SCUBE1: variants seen among roughly 807,000 people sequenced by gnomAD.
SCUBE1 encodes the protein signal peptide, CUB domain and EGF like domain containing 1.
Under a neutral mutation model 124.4 loss-of-function variants are expected in SCUBE1, and 59 were observed. The observed-to-expected ratio is 0.47, with a 90% CI of 0.38 to 0.59. The LOEUF is 0.59. SCUBE1 is among the 20% of genes least tolerant of loss of function. The probability of loss-of-function intolerance (pLI) is 0.00; values close to 1 mark genes in which losing one functional copy is unlikely to be tolerated. For synonymous variants in SCUBE1, 545 were observed against 550.9 expected (o/e 0.99, Z 0.15); for missense variants, 1,150 against 1,371.2 (o/e 0.84, Z 2.55).
chr22:43,277,141 T>G (rs573972914), intron 4 of SCUBE1, among the ~76,000 whole-genome samples: 1 of 150,854 alleles, frequency 6.6e-6, no homozygotes, highest in East Asian at 2.0e-4. Flanking sequence ...GGGGAAAAGG[T>G]GTAGAGGGTT....
chr22:43,256,815 G>A (rs539102022), intron 6 of SCUBE1, among the ~76,000 whole-genome samples: 31 of 152,308 alleles, frequency 2.0e-4, no homozygotes, highest in South Asian at 1.7e-3. Flanking sequence ...GCCCCAGGCC[G>A]GACAGTGGAG....
chr22:43,252,671 A>G (rs1447524316), intron 6 of SCUBE1, among the ~76,000 whole-genome samples: 1 of 152,158 alleles, frequency 6.6e-6, no homozygotes, highest in Non-Finnish European at 1.5e-5. Flanking sequence ...GATCTCTCCC[A>G]CAGGCCAGCA....
chr22:43,276,848 C>T (rs1298911315), intron 4 of SCUBE1, among the ~76,000 whole-genome samples: 1 of 152,216 alleles, frequency 6.6e-6, no homozygotes, highest in Non-Finnish European at 1.5e-5. Context: ...CACTCTAGAA[C>T]AGGCGTGCAG....
intron 3 of SCUBE1, among the ~76,000 whole-genome samples, chr22:43,317,962 T>C (rs1053723238): frequency 1.3e-5 from 2 of 152,110 alleles, no homozygotes; most frequent in Non-Finnish European, 2.9e-5. Context: ...GAGGATGCCA[T>C]CTATAAGCCA....
At chr22:43,244,671 C>G (rs922014913) in intron 6 of SCUBE1, among the ~76,000 whole-genome samples, 4 of 152,174 alleles carry the variant, frequency 2.6e-5, no homozygotes, top group Admixed American at 2.0e-4. Flanking sequence ...TGCCAGCACA[C>G]GGGGGGACTG....
At chr22:43,312,022 G>A (rs979695252) in intron 3 of SCUBE1, among the ~76,000 whole-genome samples, 6 of 152,154 alleles carry the variant, frequency 3.9e-5, no homozygotes, top group African/African-American at 1.4e-4. Flanking sequence ...CGTGGTATGG[G>A]GTGGAGCCAA....
intron 7 of SCUBE1, among the ~76,000 whole-genome samples, chr22:43,236,523 C>T (rs186815360): frequency 1.7e-3 from 256 of 152,328 alleles, no homozygotes; most frequent in Admixed American, 2.7e-3. Flanking sequence ...GTGTGAGCCT[C>T]CCCTGCCCAG....
chr22:43,294,960 C>T (rs1198977677), intron 3 of SCUBE1, among the ~76,000 whole-genome samples: 1 of 152,128 alleles, frequency 6.6e-6, no homozygotes, highest in African/African-American at 2.4e-5. Flanking sequence ...AGCTCCACAC[C>T]GGGGGCATTA....
intron 6 of SCUBE1, among the ~76,000 whole-genome samples, chr22:43,244,780 C>T (rs1406163815): frequency 3.3e-5 from 5 of 152,370 alleles, no homozygotes; most frequent in Non-Finnish European, 2.9e-5. Context: ...GGCTCTGATC[C>T]GGTGGGTCTG....
chr22:43,291,138 A>T lies in SCUBE1; in HGVS notation c.392T>A (p.Ile131Asn). 1.2e-6 allele frequency: 2 copies of T among 1,613,330 alleles called. No homozygotes were observed. The highest frequency in any genetic ancestry group is 1.7e-6 in the Non-Finnish European group (2 of 1,179,350). Residue 131 changes from isoleucine (I) to asparagine (N), a missense_variant, in exon 4 of 22, where the codon ATC (isoleucine) becomes AAC (asparagine). Physicochemically the swap from Ile to Asn is moderately radical, Grantham distance 149. This residue lies in a region of SCUBE1 where 337 missense variants were observed against 482.1 expected (regional missense o/e 0.70). Transcript: ENST00000360835. ...GTAGCTGCCCATGGCATTGACGCAGATCTGCTGGCAGCCACCATTATTGTC... is the reference window on the plus strand; with the variant it reads ...GTAGCTGCCCATGGCATTGACGCAGTTCTGCTGGCAGCCACCATTATTGTC... ...CQDNNGGCQQICVNAMGSYEC... is the reference protein window; with the variant it reads ...CQDNNGGCQQNCVNAMGSYEC...
chr22:43,268,345 G>A (rs1422835618), intron 4 of SCUBE1, among the ~76,000 whole-genome samples: 2 of 152,262 alleles, frequency 1.3e-5, no homozygotes, highest in Admixed American at 6.5e-5. Flanking sequence ...GTTCAGCAGA[G>A]AGCCCTGCTG....
intron 2 of SCUBE1, among the ~76,000 whole-genome samples, chr22:43,334,473 C>T (rs1926998893): frequency 6.6e-6 from 1 of 152,134 alleles, no homozygotes; most frequent in South Asian, 2.1e-4. Flanking sequence ...ACATCTTGAA[C>T]AACACTGTGA....
chr22:43,231,961 G>A (rs1922572418), intron 7 of SCUBE1, 86 bp from the exon 8 acceptor site: 1 of 1,534,272 alleles, frequency 6.5e-7, no homozygotes, highest in African/African-American at 1.4e-5. Flanking sequence ...TAGCGGCAGG[G>A]GATGACACTG....
intron 1 of SCUBE1, among the ~76,000 whole-genome samples, chr22:43,342,511 C>A (rs139130834): frequency 6.6e-6 from 1 of 151,784 alleles, no homozygotes; most frequent in Non-Finnish European, 1.5e-5. Flanking sequence ...ACCGCCCCCC[C>A]CAACCCCGTT....
At chr22:43,222,388 ACT>A (rs1213694743) in intron 12 of SCUBE1, among the ~76,000 whole-genome samples, 2 of 151,948 alleles carry the variant, frequency 1.3e-5, no homozygotes, top group Non-Finnish European at 2.9e-5. Context: ...TCCCTGAACC[ACT>A]CTGGCTGTGA....
chr22:43,264,202 A>G (rs1365978049), intron 4 of SCUBE1, among the ~76,000 whole-genome samples: 1 of 152,228 alleles, frequency 6.6e-6, no homozygotes, highest in Non-Finnish European at 1.5e-5. Context: ...AGGTCGTTGT[A>G]AAGTCAGGCA....
chr22:43,321,012 C>T (rs894420587), intron 2 of SCUBE1, among the ~76,000 whole-genome samples: 1 of 152,216 alleles, frequency 6.6e-6, no homozygotes, highest in African/African-American at 2.4e-5. Context: ...TGGCCTCACT[C>T]ATCTCAACCG....
chr22:43,295,363 G>A (rs1418358907), intron 3 of SCUBE1, among the ~76,000 whole-genome samples: 1 of 152,234 alleles, frequency 6.6e-6, no homozygotes, highest in Non-Finnish European at 1.5e-5. Context: ...CCGCCCTGGG[G>A]TGAGGACAGA....
In SCUBE1 at chr22:43,300,917, C is replaced by T. The variant is rs529599043; in HGVS notation, c.350-9737G>A. Among the ~76,000 whole-genome samples the T allele has an allele frequency of 2.0e-5, 3 of 152,296 alleles. No individual in the cohort carries two copies. The South Asian group carries it at 6.2e-4, about 32-fold the overall frequency. ...ATCAAGAGCTGACCTGGTGCCTGCA[C>T]GTGGACATCCTGCGGGCGTGACAGA... On this transcript the variant is annotated intron_variant, in intron 3 of 21. Coordinates refer to ENST00000360835, the MANE Select transcript of SCUBE1 (RefSeq NM_173050.5).
Sources: allele counts gnomAD v4.1 joint callset (sites outside exome capture counted in the v4.1 genomes callset), GRCh38; gene constraint gnomAD v4.1.1; regional missense constraint gnomAD v4.1.1; transcripts MANE v1.5; gene names NCBI Gene and HGNC (gene_info 2026-07-23, HGNC 2026-07-21).